The following PLCXD3 variants were observed in gnomAD, a reference collection of about 807,000 sequenced individuals.
PLCXD3 encodes the protein PI-PLC X domain-containing protein 3.
A neutral mutation model predicts 25.5 loss-of-function variants in PLCXD3; 19 were observed. The ratio of observed to expected loss-of-function variants is 0.75; its 90% CI spans 0.52 to 1.09. The LOEUF (loss-of-function observed/expected upper bound fraction) is 1.09. PLCXD3 is among the 50% of genes least tolerant of loss of function. The probability of loss-of-function intolerance (pLI) is 0.00; values close to 1 mark genes in which losing one functional copy is unlikely to be tolerated. For synonymous variants in PLCXD3, 174 were observed against 137.6 expected (o/e 1.26, Z -1.85); for missense variants, 411 against 388.1 (o/e 1.06, Z -0.50).
chr5:41,394,412 C>T (rs1745934119), intron 1 of PLCXD3, among the ~76,000 whole-genome samples: 1 of 151,944 alleles, frequency 6.6e-6, no homozygotes. Flanking sequence ...GTAAAGAAGA[C>T]CATAAAACAA....
chr5:41,497,873 A>T (rs887912816), intron 1 of PLCXD3, among the ~76,000 whole-genome samples: 1 of 151,846 alleles, frequency 6.6e-6, no homozygotes, highest in African/African-American at 2.4e-5. Flanking sequence ...CCACAACTAG[A>T]AATCAATATC....
chr5:41,465,531 C>T (rs1477456110), intron 1 of PLCXD3, among the ~76,000 whole-genome samples: 1 of 151,738 alleles, frequency 6.6e-6, no homozygotes, highest in Non-Finnish European at 1.5e-5. Context: ...ATGTTCAATG[C>T]ATTCTCTTGA....
At chr5:41,378,084 T>A (rs959392564) in intron 2 of PLCXD3, among the ~76,000 whole-genome samples, 4 of 152,096 alleles carry the variant, frequency 2.6e-5, no homozygotes, top group Non-Finnish European at 5.9e-5. Flanking sequence ...ATAGGCTTCA[T>A]CACTTGGTAA....
At chr5:41,395,623 C>G (rs1290777993) in intron 1 of PLCXD3, among the ~76,000 whole-genome samples, 1 of 151,888 alleles carries the variant, frequency 6.6e-6, no homozygotes, top group Non-Finnish European at 1.5e-5. Flanking sequence ...ACAAAGGAAA[C>G]ATTATAATTG....
chr5:41,487,650 A>T (rs2150524465), intron 1 of PLCXD3, among the ~76,000 whole-genome samples: 1 of 152,340 alleles, frequency 6.6e-6, no homozygotes, highest in South Asian at 2.1e-4. Flanking sequence ...GAGTAGACTA[A>T]ATTAGCTAGC....
In PLCXD3 at chr5:41,411,757, A is replaced by G. The variant is rs137995401; in HGVS notation, c.104-29223T>C. On this transcript the variant is annotated intron_variant, in intron 1 of 2. Coordinates refer to ENST00000377801, the MANE Select transcript of PLCXD3 (RefSeq NM_001005473.3). Reference sequence around the variant, plus strand: ...TATATTTTATAATTTTATAATTTATAATTTATAATATTTTTATAATAGTTT... The same window carrying G: ...TATATTTTATAATTTTATAATTTATGATTTATAATATTTTTATAATAGTTT... Among the ~76,000 whole-genome samples the G allele has an allele frequency of 3.5e-4, 52 of 147,064 alleles. No individual in the cohort carries two copies. The East Asian group carries it at 6.4e-3, about 18-fold the overall frequency.
chr5:41,430,761 T>C (rs1035910807), intron 1 of PLCXD3, among the ~76,000 whole-genome samples: 8 of 152,176 alleles, frequency 5.3e-5, no homozygotes, highest in Non-Finnish European at 7.3e-5. Flanking sequence ...TATAAATTAT[T>C]CGAAAGCTTT....
intron 1 of PLCXD3, among the ~76,000 whole-genome samples, chr5:41,395,193 C>T (rs1330363937): frequency 6.6e-6 from 1 of 152,028 alleles, no homozygotes; most frequent in East Asian, 1.9e-4. Flanking sequence ...TATACAAATA[C>T]ACAGAAATTT....
intron 2 of PLCXD3, 34 bp from the exon 3 acceptor site, chr5:41,313,804 G>A: frequency 1.3e-6 from 2 of 1,535,016 alleles, no homozygotes; most frequent in Non-Finnish European, 1.7e-6. Flanking sequence ...AGTCACAGAA[G>A]GCAAGATACT....
In PLCXD3 at chr5:41,510,568, GGGCAGGCT is replaced by G; in HGVS notation, c.-50_-43del. 6.6e-7 allele frequency: 1 copy of G among 1,526,604 alleles called. No homozygotes were observed. Among genetic ancestry groups the G allele is most frequent in the Non-Finnish European group, 9.0e-7 (1 of 1,107,456 alleles). 94.6% of individuals were successfully genotyped at this position (1,526,604 alleles called of 1,614,324 possible). On this transcript the variant is annotated 5_prime_UTR_variant, in exon 1 of 3. Coordinates refer to ENST00000377801, the MANE Select transcript of PLCXD3 (RefSeq NM_001005473.3). ...CAGCGCGCTGGTCCCAGCACTCCTC[GGGCAGGCT>G]GGCAGGCTGCTGCCGCTAATCCAAT... is the stretch of plus-strand genomic sequence containing the variant.
intron 2 of PLCXD3, among the ~76,000 whole-genome samples, chr5:41,373,874 G>T (rs549743381): frequency 1.3e-5 from 2 of 152,136 alleles, no homozygotes; most frequent in East Asian, 1.9e-4. Flanking sequence ...GTGAGAAATT[G>T]TTTATGCTTA....
At chr5:41,362,596 A>G (rs1042061819) in intron 2 of PLCXD3, among the ~76,000 whole-genome samples, 25 of 152,228 alleles carry the variant, frequency 1.6e-4, no homozygotes, top group Non-Finnish European at 1.0e-4. Context: ...CGACACCTTG[A>G]AAGTTAAACA....
intron 2 of PLCXD3, among the ~76,000 whole-genome samples, chr5:41,354,353 C>T (rs971883379): frequency 1.3e-5 from 2 of 152,160 alleles, no homozygotes; most frequent in Non-Finnish European, 2.9e-5. Flanking sequence ...CCTCCCTCAA[C>T]TTGCTCTATG....
At chr5:41,494,787 C>T (rs2859816) in intron 1 of PLCXD3, among the ~76,000 whole-genome samples, 25,958 of 152,006 alleles carry the variant, frequency 0.17, 2,703 homozygotes, top group East Asian at 0.28. Flanking sequence ...CATATTTTCA[C>T]CTAAGGTAAA....
At chr5:41,384,809 A>G (rs1444537460) in intron 1 of PLCXD3, among the ~76,000 whole-genome samples, 1 of 152,102 alleles carries the variant, frequency 6.6e-6, no homozygotes, top group Non-Finnish European at 1.5e-5. Context: ...CTTAAGGTCA[A>G]AATAAGGGAA....
At chr5:41,492,294 C>T (rs201762856) in intron 1 of PLCXD3, among the ~76,000 whole-genome samples, 15,456 of 151,304 alleles carry the variant, frequency 0.1, 542 homozygotes, top group African/African-American at 0.2. Flanking sequence ...GAGTTTCTGC[C>T]GAGAGATCCG....
intron 1 of PLCXD3, among the ~76,000 whole-genome samples, chr5:41,385,670 A>G (rs748201366): frequency 1.1e-4 from 16 of 152,228 alleles, no homozygotes; most frequent in Non-Finnish European, 1.9e-4. Context: ...ACCTGCTTCT[A>G]ATGAATTACA....
At chr5:41,431,059 A>G (rs768397066) in intron 1 of PLCXD3, among the ~76,000 whole-genome samples, 27 of 152,326 alleles carry the variant, frequency 1.8e-4, no homozygotes, top group Non-Finnish European at 3.5e-4. Flanking sequence ...TTATTATACA[A>G]TGAGCACAAA....
intron 2 of PLCXD3, among the ~76,000 whole-genome samples, chr5:41,318,325 A>G (rs1030437734): frequency 1.3e-5 from 2 of 152,176 alleles, no homozygotes; most frequent in African/African-American, 4.8e-5. Context: ...TATGTAAACT[A>G]CTCTTATCCT....
Sources: gnomAD v4.1 joint callset for allele counts (sites outside exome capture counted in the v4.1 genomes callset) on GRCh38, gnomAD v4.1.1 for gene constraint, MANE v1.5 for transcripts, NCBI Gene and HGNC (gene_info 2026-07-23, HGNC 2026-07-21) for gene names.